Variants in PLOD2 observed in about 807,000 individuals in gnomAD.
PLOD2 encodes procollagen-lysine,2-oxoglutarate 5-dioxygenase 2, also known as lysine hydroxylase 2.
PLOD2 carries 65 observed loss-of-function variants against 101.0 expected under a neutral mutation model. The ratio of observed to expected loss-of-function variants is 0.64; its 90% CI spans 0.53 to 0.79. The LOEUF is 0.79. Among genes scored for constraint, PLOD2 ranks in the 30% least tolerant of loss-of-function variants. The pLI is 0.00. For synonymous variants in PLOD2, 314 were observed against 302.9 expected (o/e 1.04, Z -0.38); for missense variants, 909 against 914.6 (o/e 0.99, Z 0.08).
In PLOD2 at chr3:146,106,585, T is replaced by C. The variant is rs368836814; in HGVS notation, c.562A>G (p.Asn188Asp). Residue 188 changes from asparagine to aspartate, a missense_variant, in exon 5 of 20, where the codon AAT becomes GAT. Transcript: ENST00000282903. ...GTGTAAAAGAGCTGATCATCATCAT[T>C]ATCCTGGAGATTCCATTGTTGAACT... ...RIVQQWNLQD[N>D]DDDQLFYTKV... 10 of 1,599,256 alleles carry C rather than the reference T, an allele frequency of 6.3e-6. No homozygotes were observed. Among genetic ancestry groups the C allele is most frequent in the Admixed American group, 1.7e-5 (1 of 59,990 alleles).
At chr3:146,128,436 T>TG (rs1477899841) in intron 1 of PLOD2, among the ~76,000 whole-genome samples, 4 of 152,142 alleles carry the variant, frequency 2.6e-5, no homozygotes, top group Non-Finnish European at 5.9e-5. Context: ...AAGAAACAGG[T>TG]GATGCATCTA....
At position 146,114,093 on chromosome 3, in the gene PLOD2, T is replaced by C. The variant is rs183565784; in HGVS notation, c.339-3645A>G. 1.7e-4 allele frequency among the ~76,000 whole-genome samples: 26 copies of C among 152,228 alleles called. No homozygotes were observed. In the East Asian group the frequency reaches 5.0e-3, roughly 29 times the overall value. On this transcript the variant is annotated intron_variant, in intron 3 of 19. Coordinates refer to ENST00000282903, the MANE Select transcript of PLOD2 (RefSeq NM_182943.3). ...GACGAGGAAATTCCTGCCTAGTAAA[T>C]TTTAGTCAGACCAGTTGTCTGCTCT...
intron 9 of PLOD2, among the ~76,000 whole-genome samples, chr3:146,087,200 G>A: frequency 6.6e-6 from 1 of 151,868 alleles, no homozygotes; most frequent in East Asian, 1.9e-4. Flanking sequence ...TTTAATAGGT[G>A]TTTGCATAAA....
chr3:146,077,549 T>C (rs1936389014), intron 14 of PLOD2: 1 of 240,294 alleles, frequency 4.2e-6, no homozygotes, highest in Admixed American at 5.2e-5. Context: ...AATTCTATTT[T>C]ATACCTACTT....
At chr3:146,159,811 T>A (rs914103884) in intron 1 of PLOD2, among the ~76,000 whole-genome samples, 1 of 152,196 alleles carries the variant, frequency 6.6e-6, no homozygotes, top group Admixed American at 6.5e-5. Context: ...GCAAGCACTG[T>A]TTTGTAGAAA....
chr3:146,100,208 G>T (rs928791270), intron 7 of PLOD2, among the ~76,000 whole-genome samples: 28 of 152,204 alleles, frequency 1.8e-4, no homozygotes, highest in African/African-American at 6.0e-4. Context: ...TAATGCTTTT[G>T]CCCTGCCAGA....
rs151106488 is a variant in PLOD2 at position 146,105,274 on chromosome 3, T to G, written c.616-932A>C. On this transcript the variant is annotated intron_variant, in intron 5 of 19. Transcript: ENST00000282903. Reference sequence around the variant, plus strand: ...CTTATGAATAAAAGACAAAAGCCTGTGTCTATAGCACAGTCCCGTGGATCC... The same window carrying G: ...CTTATGAATAAAAGACAAAAGCCTGGGTCTATAGCACAGTCCCGTGGATCC... 2.0e-3 allele frequency: 298 copies of G among 152,354 alleles called. 3 individuals carry two copies. The highest frequency in any genetic ancestry group is 6.8e-3 in the African/African-American group (282 of 41,586). 9.4% of individuals were successfully genotyped at this position (152,354 alleles called of 1,614,324 possible). A position where few individuals can be genotyped will look rare whatever the true frequency, so the allele number is the denominator to read the frequency against.
At chr3:146,140,003 A>G (rs897972612) in intron 1 of PLOD2, among the ~76,000 whole-genome samples, 3 of 152,108 alleles carry the variant, frequency 2.0e-5, no homozygotes, top group Admixed American at 6.6e-5. Context: ...ACAAAAACAT[A>G]GCAAGGCATT....
chr3:146,083,178 T>C (rs1936622855), intron 11 of PLOD2, among the ~76,000 whole-genome samples: 1 of 152,212 alleles, frequency 6.6e-6, no homozygotes, highest in Admixed American at 6.5e-5. Flanking sequence ...CCAAAATTCA[T>C]CTGCTGTATA....
chr3:146,158,351 A>C (rs1044914951), intron 1 of PLOD2, among the ~76,000 whole-genome samples: 2 of 152,190 alleles, frequency 1.3e-5, no homozygotes, highest in Non-Finnish European at 2.9e-5. Context: ...CATGCTAAGA[A>C]TAAAGTGGCA....
At position 146,102,759 on chromosome 3, in the gene PLOD2, G is replaced by C; in HGVS notation, c.773C>G (p.Thr258Ser). The C allele has an allele frequency of 6.6e-7, 1 of 1,511,396 alleles. No individual in the cohort carries two copies. The allele number at this position is 1,511,396 out of a possible 1,614,324, so 93.6% of individuals were successfully genotyped here. A position where few individuals can be genotyped will look rare whatever the true frequency, so the allele number is the denominator to read the frequency against. ...ATAAAAGTAACTGTTACTTACCTTG[G>C]TGGGTCCATTTCCATTAATTGCCAC... ...LPVAINGNGP[T>S]KILLNYFGNY... Residue 258 changes from threonine to serine, a missense_variant, in exon 7 of 20, where the codon ACC becomes AGC. Thr to Ser is a moderately conservative substitution (Grantham distance 58, BLOSUM62 1). Transcript: ENST00000282903.
chr3:146,137,444 T>C, intron 1 of PLOD2, among the ~76,000 whole-genome samples: 1 of 152,156 alleles, frequency 6.6e-6, no homozygotes, highest in Non-Finnish European at 1.5e-5. Flanking sequence ...ACATAGGGTT[T>C]TACTATGTTG....
chr3:146,139,352 GA>G (rs1234977714), intron 1 of PLOD2, among the ~76,000 whole-genome samples: 1 of 152,068 alleles, frequency 6.6e-6, no homozygotes, highest in African/African-American at 2.4e-5. Flanking sequence ...AATCTAACCT[GA>G]AAAGATGAGT....
chr3:146,158,271 C>G (rs2032398903), intron 1 of PLOD2, among the ~76,000 whole-genome samples: 1 of 152,098 alleles, frequency 6.6e-6, no homozygotes, highest in Non-Finnish European at 1.5e-5. Context: ...ATATAATTTT[C>G]AGGTAACAAT....
intron 7 of PLOD2, among the ~76,000 whole-genome samples, chr3:146,102,081 A>G (rs960681025): frequency 7.2e-5 from 11 of 152,162 alleles, no homozygotes; most frequent in African/African-American, 2.7e-4. Flanking sequence ...AAATCTGTTA[A>G]TCCCTTTTCT....
chr3:146,128,684 G>A (rs567995634), intron 1 of PLOD2, among the ~76,000 whole-genome samples: 10 of 150,274 alleles, frequency 6.7e-5, no homozygotes, highest in South Asian at 6.3e-4. Flanking sequence ...CAAAGCTCTA[G>A]AAGAAAAAAA....
Position 146,106,740 on chromosome 3 carries a change from G to A in PLOD2, c.503-96C>T, listed in dbSNP as rs1023041065. On this transcript the variant is annotated intron_variant, in intron 4 of 19. Coordinates refer to ENST00000282903, the MANE Select transcript of PLOD2 (RefSeq NM_182943.3). ...CTGACCAGTTGAACAGAGTTGTGAA[G>A]TCATGAAGCCTAATTCTTAGGCTGG... 3.9e-6 allele frequency: 3 copies of A among 766,254 alleles called. No individual in the cohort carries two copies. The African/African-American group carries it at 5.1e-5, about 13-fold the overall frequency. 47.5% of individuals were successfully genotyped at this position (766,254 alleles called of 1,614,324 possible).
At chr3:146,134,982 G>A (rs890534674) in intron 1 of PLOD2, among the ~76,000 whole-genome samples, 21 of 152,332 alleles carry the variant, frequency 1.4e-4, no homozygotes, top group African/African-American at 4.8e-4. Context: ...AAAGCGTGGT[G>A]TGACTGAAAC....
In PLOD2 at chr3:146,121,227, A is replaced by G; in HGVS notation, c.223T>C (p.Trp75Arg). ...TVKVLGQGEE[W>R]RGGDGINSIG... Reference sequence around the variant, plus strand: ...CTATTAATTCCATCACCACCTCTCCATTCTTCTCCTTGACCAAGGACCTAT... The same window carrying G: ...CTATTAATTCCATCACCACCTCTCCGTTCTTCTCCTTGACCAAGGACCTAT... The change falls in exon 3 of 20, where the codon TGG becomes CGG. Residue 75 changes from tryptophan (W) to arginine (R), a missense_variant. Coordinates refer to ENST00000282903, the MANE Select transcript of PLOD2 (RefSeq NM_182943.3). The G allele has an allele frequency of 6.2e-7, 1 of 1,612,032 alleles. No individual in the cohort carries two copies.
Sources: allele counts gnomAD v4.1 joint callset (sites outside exome capture counted in the v4.1 genomes callset), GRCh38; gene constraint gnomAD v4.1.1; transcripts MANE v1.5; gene names NCBI Gene and HGNC (gene_info 2026-07-23, HGNC 2026-07-21).